The following MEGF6 variants were observed in gnomAD, a reference collection of about 807,000 sequenced individuals.
MEGF6 encodes the protein multiple epidermal growth factor-like domains protein 6.
Under a neutral mutation model 207.1 loss-of-function variants are expected in MEGF6, and 184 were observed. The ratio of observed to expected loss-of-function variants is 0.89; its 90% CI spans 0.79 to 1.00. The LOEUF (loss-of-function observed/expected upper bound fraction) is 1.00. MEGF6 is among the 50% of genes least tolerant of loss of function. The pLI, the probability that MEGF6 is intolerant of heterozygous loss-of-function variation, is 0.00. For missense variants in MEGF6, 2,282 were observed against 2,202.9 expected (o/e 1.04, Z -0.72); for synonymous variants, 1,038 against 910.0 (o/e 1.14, Z -2.53).
chr1:3,611,401 T>C lies in MEGF6; in HGVS notation c.-133A>G. The C allele has an allele frequency of 8.1e-7, 1 of 1,239,576 alleles. No individual in the cohort carries two copies. The highest frequency in any genetic ancestry group is 1.0e-6 in the Non-Finnish European group (1 of 965,602). The allele number at this position is 1,239,576 out of a possible 1,614,324, so 76.8% of individuals were successfully genotyped here. A position where few individuals can be genotyped will look rare whatever the true frequency, so the allele number is the denominator to read the frequency against. On this transcript the variant is annotated 5_prime_UTR_variant, in exon 1 of 37. Coordinates refer to ENST00000356575, the MANE Select transcript of MEGF6 (RefSeq NM_001409.4). ...CCCGCTCCGCGGAGCCCAAGGTCGCTGCAGGTGCGGAGCGTCCCGGCTTCC... is the reference window on the plus strand; with the variant it reads ...CCCGCTCCGCGGAGCCCAAGGTCGCCGCAGGTGCGGAGCGTCCCGGCTTCC...
At chr1:3,542,204 C>G (rs927719485) in intron 4 of MEGF6, among the ~76,000 whole-genome samples, 2 of 152,206 alleles carry the variant, frequency 1.3e-5, no homozygotes, top group Non-Finnish European at 2.9e-5. Context: ...GAAGGCAGCC[C>G]TCGGGCCTGG....
In MEGF6 at chr1:3,488,880, G is replaced by A. The variant is rs1438665437; in HGVS notation, c.*1648C>T. Among the ~76,000 whole-genome samples, 1 of 152,138 alleles carries A rather than the reference G, an allele frequency of 6.6e-6. No homozygotes were observed. The highest frequency in any genetic ancestry group is 2.4e-5 in the African/African-American group (1 of 41,430). ...TCACCTTTAGATCTGAGAACGTCTT[G>A]GTCGTCGTTGCTTCATGTCAATGAC... is the stretch of plus-strand genomic sequence containing the variant. On this transcript the variant is annotated 3_prime_UTR_variant, in exon 37 of 37. Coordinates refer to ENST00000356575, the MANE Select transcript of MEGF6 (RefSeq NM_001409.4).
rs139549460 is a variant in MEGF6 at position 3,591,145 on chromosome 1, C to T, written c.376+4193G>A. On this transcript the variant is annotated intron_variant, in intron 3 of 36. Transcript: ENST00000356575. ...ACAAGCCCCCGACCCCACCAGCAGCCGCGCCCCGCCCTCCTCGCATGAGCC... is the reference window on the plus strand; with the variant it reads ...ACAAGCCCCCGACCCCACCAGCAGCTGCGCCCCGCCCTCCTCGCATGAGCC... Among the ~76,000 whole-genome samples the T allele has an allele frequency of 9.6e-3, 1,469 of 152,254 alleles. 23 individuals are homozygous for T. The highest frequency in any genetic ancestry group is 0.031 in the African/African-American group (1,285 of 41,552).
rs567413874 is a variant in MEGF6, at chr1:3,556,505, G to A, written c.481+23320C>T. Among the ~76,000 whole-genome samples, 9 of 152,258 alleles carry A rather than the reference G, an allele frequency of 5.9e-5. No individual in the cohort carries two copies. The highest frequency in any genetic ancestry group is 3.3e-4 in the Admixed American group (5 of 15,298). On this transcript the variant is annotated intron_variant, in intron 4 of 36. Transcript: ENST00000356575. The surrounding 1 kb of genome is among the most constrained non-coding windows in gnomAD (Gnocchi z 4.4). ...AGACGCCCTGGGCCTCCTCTCGGCC[G>A]CCCACCAGGTTTTCTGCCTGCTTCC...
At position 3,488,629 on chromosome 1, in the gene MEGF6, T is replaced by A. The variant is rs1247808980; in HGVS notation, c.*1899A>T. 6.6e-6 allele frequency among the ~76,000 whole-genome samples: 1 copy of A among 152,266 alleles called. No homozygotes were observed. Among genetic ancestry groups the A allele is most frequent in the Admixed American group, 6.5e-5 (1 of 15,288 alleles). On this transcript the variant is annotated 3_prime_UTR_variant, in exon 37 of 37. Coordinates refer to ENST00000356575, the MANE Select transcript of MEGF6 (RefSeq NM_001409.4). ...CTTTGCATGCCTTTGATAGTTTAGC[T>A]GGATGTAAAATTCAGCCTTCAAATA...
intron 10 of MEGF6, 128 bp downstream of exon 10, chr1:3,510,655 C>G: frequency 7.5e-7 from 1 of 1,337,748 alleles, no homozygotes; most frequent in Admixed American, 2.9e-5. Context: ...CCCACAGCCC[C>G]AAAGCAAAGC....
intron 4 of MEGF6, among the ~76,000 whole-genome samples, chr1:3,530,713 G>A (rs1180564785): frequency 2.0e-5 from 3 of 152,230 alleles, no homozygotes; most frequent in Admixed American, 2.0e-4. Context: ...TCAGCTCCGG[G>A]GGTCTCAAAG....
In MEGF6 at chr1:3,501,864, G is replaced by C. The variant is rs200472001; in HGVS notation, c.2246C>G (p.Ala749Gly). 1.1e-4 allele frequency: 175 copies of C among 1,606,478 alleles called. No homozygotes were observed. Among genetic ancestry groups the C allele is most frequent in the Non-Finnish European group, 1.4e-4 (165 of 1,177,756 alleles). Residue 749 changes from alanine (A) to glycine (G), a missense_variant, in exon 18 of 37, where the codon GCC becomes GGC. Transcript: ENST00000356575. ...CTGCCCCGTGACCCCGTGGCAGGGG[G>C]CCCCCCCACAGGAGCAGGAGCTCGA... ...NCSSSCSCGGAPCHGVTGQCR... is the reference protein window; with the variant it reads ...NCSSSCSCGGGPCHGVTGQCR...
intron 4 of MEGF6, among the ~76,000 whole-genome samples, chr1:3,533,584 G>A (rs917098242): frequency 1.3e-5 from 2 of 152,198 alleles, no homozygotes; most frequent in African/African-American, 4.8e-5. Flanking sequence ...GGCTTGAGAG[G>A]GGTGCAGGGG....
intron 4 of MEGF6, among the ~76,000 whole-genome samples, chr1:3,562,036 G>C (rs925618296): frequency 1.3e-5 from 2 of 152,224 alleles, no homozygotes; most frequent in Non-Finnish European, 2.9e-5. Context: ...CCAGCGTCAT[G>C]CTTAGCGGCT....
rs1169820349 is a variant in MEGF6, at chr1:3,490,223, G to A, written c.*305C>T. 4.3e-6 allele frequency: 2 copies of A among 469,068 alleles called. No homozygotes were observed. Among genetic ancestry groups the A allele is most frequent in the East Asian group, 8.1e-5 (2 of 24,586 alleles). 29.1% of individuals were successfully genotyped at this position (469,068 alleles called of 1,614,324 possible). On this transcript the variant is annotated 3_prime_UTR_variant, in exon 37 of 37. Transcript: ENST00000356575. Reference sequence around the variant, plus strand: ...ACACTGGCGCCCACACCTGTCCTCAGTCCAACTCAGAGCCGCGGGGAGAGC... The same window carrying A: ...ACACTGGCGCCCACACCTGTCCTCAATCCAACTCAGAGCCGCGGGGAGAGC...
At chr1:3,592,039 G>A (rs541614302) in intron 3 of MEGF6, among the ~76,000 whole-genome samples, 53 of 152,318 alleles carry the variant, frequency 3.5e-4, no homozygotes, top group African/African-American at 1.2e-3. Flanking sequence ...GCTCAGGTCA[G>A]GCCAGGCCAG....
At chr1:3,501,125 C>T in intron 19 of MEGF6, 31 bp from the exon 20 acceptor site, 2 of 1,612,610 alleles carry the variant, frequency 1.2e-6, no homozygotes, top group Non-Finnish European at 1.7e-6. Flanking sequence ...GTGAGTGGGG[C>T]CTGGCCACCT....
chr1:3,496,113 G>C (rs771234761), intron 29 of MEGF6, 95 bp from the exon 30 acceptor site: 2 of 1,419,444 alleles, frequency 1.4e-6, no homozygotes, highest in Non-Finnish European at 1.8e-6. Flanking sequence ...GATGGGGTGA[G>C]GGGACCCTGG....
intron 4 of MEGF6, among the ~76,000 whole-genome samples, chr1:3,576,418 T>C (rs1643643974): frequency 6.6e-6 from 1 of 152,218 alleles, no homozygotes; most frequent in Admixed American, 6.5e-5. Context: ...CCCCAACTCC[T>C]TTGTTCAAAT....
chr1:3,498,229 C>G lies in MEGF6; in HGVS notation c.3352+142G>C, dbSNP rs555254193. 51 of 1,102,160 alleles carry G rather than the reference C, an allele frequency of 4.6e-5. No individual in the cohort carries two copies. In the East Asian group the frequency reaches 1.3e-3, roughly 29 times the overall value. 68.3% of individuals were successfully genotyped at this position (1,102,160 alleles called of 1,614,324 possible). ...CCCTCCCAACAGGGTCTTAGTGCTC[C>G]GACGGCAGCTCTTGCATTCACAGGA... On this transcript the variant is annotated intron_variant, in intron 26 of 36. Transcript: ENST00000356575.
rs759687222 is a variant in MEGF6 at position 3,560,749 on chromosome 1, G to A, written c.481+19076C>T. 4.3e-6 allele frequency: 2 copies of A among 470,224 alleles called. No homozygotes were observed. The highest frequency in any genetic ancestry group is 4.7e-5 in the Admixed American group (2 of 42,890). 29.1% of individuals were successfully genotyped at this position (470,224 alleles called of 1,614,324 possible). A position where few individuals can be genotyped will look rare whatever the true frequency, so the allele number is the denominator to read the frequency against. On this transcript the variant is annotated intron_variant, in intron 4 of 36. Transcript: ENST00000356575. The surrounding 1 kb of genome is among the most constrained non-coding windows in gnomAD (Gnocchi z 4.0). ...GGGTCGCCTAGAAACGGTCAGACTG[G>A]CCCCACCCACTCTGGATTTCCAGGG...
intron 3 of MEGF6, among the ~76,000 whole-genome samples, chr1:3,589,968 G>A (rs112776381): frequency 3.9e-4 from 59 of 152,340 alleles, no homozygotes; most frequent in African/African-American, 1.2e-3. Flanking sequence ...TTTAGGAAGC[G>A]CTTACTGGAC....
chr1:3,522,303 C>T (rs1037589426), intron 5 of MEGF6, among the ~76,000 whole-genome samples: 1 of 152,146 alleles, frequency 6.6e-6, no homozygotes, highest in African/African-American at 2.4e-5. Context: ...AGGAGCCGGG[C>T]ACCAGCCCTG....
Sources: gnomAD v4.1 joint callset for allele counts (sites outside exome capture counted in the v4.1 genomes callset) on GRCh38, gnomAD v4.1.1 for gene constraint, Gnocchi (gnomAD v3.1) non-coding constraint, MANE v1.5 for transcripts, NCBI Gene and HGNC (gene_info 2026-07-23, HGNC 2026-07-21) for gene names.